Variants in PPP1R9A observed in about 807,000 individuals in gnomAD.
PPP1R9A encodes protein phosphatase 1 regulatory subunit 9A, also known as neurabin-1.
Under a neutral mutation model 141.9 loss-of-function variants are expected in PPP1R9A, and 59 were observed. That is an observed-to-expected ratio of 0.42 (90% CI 0.34 to 0.52). The LOEUF (loss-of-function observed/expected upper bound fraction) is 0.52, where lower values mean the gene tolerates loss of function less well. Ranked by LOEUF, PPP1R9A falls within the 20% of genes least tolerant of loss-of-function variation. The pLI, the probability that PPP1R9A is intolerant of heterozygous loss-of-function variation, is 0.10. For synonymous variants in PPP1R9A, 500 were observed against 569.7 expected, an observed-to-expected ratio of 0.88 and a Z score of 1.74; for missense variants, 1,444 against 1,611.9, an observed-to-expected ratio of 0.90 and a Z score of 1.78.
intron 4 of PPP1R9A, among the ~76,000 whole-genome samples, chr7:95,130,506 C>T (rs1325587939): frequency 6.6e-6 from 1 of 152,082 alleles, no homozygotes; most frequent in East Asian, 1.9e-4. Context: ...GGGTCAGAGC[C>T]CCCACACAGA....
At chr7:94,971,576 C>T (rs1222429697) in intron 2 of PPP1R9A, among the ~76,000 whole-genome samples, 1 of 152,116 alleles carries the variant, frequency 6.6e-6, no homozygotes, top group East Asian at 1.9e-4. Flanking sequence ...GTTTTCTATT[C>T]TTTTTGTTGC....
chr7:95,023,713 G>A (rs1381801046), intron 2 of PPP1R9A, among the ~76,000 whole-genome samples: 2 of 151,972 alleles, frequency 1.3e-5, no homozygotes, highest in African/African-American at 4.8e-5. Flanking sequence ...CACCACACCT[G>A]GCTAATTCTT....
At chr7:95,046,448 G>C (rs969129399) in intron 2 of PPP1R9A, among the ~76,000 whole-genome samples, 1 of 152,172 alleles carries the variant, frequency 6.6e-6, no homozygotes, top group Admixed American at 6.6e-5. Context: ...TCTAAAAGCA[G>C]ATAACCCGAT....
chr7:95,232,554 G>A (rs905252709), intron 8 of PPP1R9A, among the ~76,000 whole-genome samples: 10 of 152,134 alleles, frequency 6.6e-5, no homozygotes, highest in Admixed American at 6.6e-5. Flanking sequence ...CTTCTGCATA[G>A]CAAAAGAAAC....
At chr7:95,097,793 T>C (rs67607554) in intron 2 of PPP1R9A, among the ~76,000 whole-genome samples, 50,095 of 152,130 alleles carry the variant, frequency 0.33, 9,669 homozygotes, top group Non-Finnish European at 0.44. Flanking sequence ...GTACCTTTTC[T>C]ATGAGGAAGA....
At chr7:95,169,250 C>G (rs1183975294) in intron 5 of PPP1R9A, among the ~76,000 whole-genome samples, 1 of 151,796 alleles carries the variant, frequency 6.6e-6, no homozygotes, top group South Asian at 2.1e-4. Flanking sequence ...TGGATGGGAA[C>G]TGGAGGTCAT....
intron 2 of PPP1R9A, among the ~76,000 whole-genome samples, chr7:94,972,222 T>C (rs1486215437): frequency 3.3e-5 from 5 of 152,228 alleles, no homozygotes; most frequent in African/African-American, 1.2e-4. Flanking sequence ...TGTGTATATA[T>C]GGTCTTGTTA....
At chr7:95,010,743 A>T (rs920178228) in intron 2 of PPP1R9A, among the ~76,000 whole-genome samples, 3 of 152,060 alleles carry the variant, frequency 2.0e-5, no homozygotes, top group Non-Finnish European at 2.9e-5. Context: ...ATATAATTTT[A>T]AAAAATTCTA....
At chr7:94,949,424 T>C (rs1796222766) in intron 2 of PPP1R9A, among the ~76,000 whole-genome samples, 1 of 152,084 alleles carries the variant, frequency 6.6e-6, no homozygotes, top group East Asian at 1.9e-4. Context: ...ACATTGGAGG[T>C]ATGAAGCAGG....
chr7:95,006,590 A>G (rs2151573955), intron 2 of PPP1R9A, among the ~76,000 whole-genome samples: 1 of 152,320 alleles, frequency 6.6e-6, no homozygotes, highest in Non-Finnish European at 1.5e-5. Flanking sequence ...TCCTAAATAT[A>G]AAGTGCATGA....
chr7:94,957,989 T>C (rs1797243909), intron 2 of PPP1R9A, among the ~76,000 whole-genome samples: 1 of 152,128 alleles, frequency 6.6e-6, no homozygotes, highest in Non-Finnish European at 1.5e-5. Flanking sequence ...GGCTTAGTGG[T>C]AAGGTACTAG....
chr7:95,117,897 A>T (rs1821797359), intron 3 of PPP1R9A, among the ~76,000 whole-genome samples: 1 of 152,172 alleles, frequency 6.6e-6, no homozygotes, highest in African/African-American at 2.4e-5. Context: ...TTCTGCATGG[A>T]AGAGGCTACA....
At chr7:94,995,434 CAT>C (rs1014359181) in intron 2 of PPP1R9A, among the ~76,000 whole-genome samples, 35 of 152,036 alleles carry the variant, frequency 2.3e-4, no homozygotes, top group African/African-American at 6.0e-4. Flanking sequence ...TCAAATCACA[CAT>C]ATGTTAGGTT....
At chr7:95,265,685 A>G (rs891820213) in intron 12 of PPP1R9A, among the ~76,000 whole-genome samples, 1 of 152,178 alleles carries the variant, frequency 6.6e-6, no homozygotes, top group Admixed American at 6.6e-5. Context: ...TTTCAACTTC[A>G]TCCTATTTTT....
intron 5 of PPP1R9A, among the ~76,000 whole-genome samples, chr7:95,193,279 A>G (rs1411250745): frequency 1.3e-5 from 2 of 152,102 alleles, no homozygotes; most frequent in African/African-American, 4.8e-5. Flanking sequence ...GAAGAGATAT[A>G]TGTACTTTAA....
rs547978649 is a variant in PPP1R9A, at chr7:95,247,614, C to T, written c.2166+88C>T. ...CAATCCTAGGACTAAAGGTTTTGTC[C>T]CTGTATATTTGAAAGAATGCAAATG... On this transcript the variant is annotated intron_variant, in intron 9 of 19. Transcript: ENST00000433360. 2.2e-4 allele frequency: 252 copies of T among 1,138,634 alleles called. No individual in the cohort carries two copies. In the African/African-American group the frequency reaches 3.6e-3, roughly 16 times the overall value. 70.5% of individuals were successfully genotyped at this position (1,138,634 alleles called of 1,614,324 possible).
intron 2 of PPP1R9A, among the ~76,000 whole-genome samples, chr7:95,028,743 T>A (rs891585178): frequency 2.6e-5 from 4 of 152,192 alleles, no homozygotes; most frequent in African/African-American, 9.6e-5. Flanking sequence ...ATTTAATACA[T>A]ACAAACAAAT....
intron 14 of PPP1R9A, 147 bp from the exon 15 acceptor site, chr7:95,273,752 C>T (rs1222320932): frequency 6.5e-6 from 5 of 767,366 alleles, no homozygotes; most frequent in Non-Finnish European, 1.0e-5. Flanking sequence ...GTAACTGTGT[C>T]TCCTAGGTCG....
At chr7:94,977,285 C>T (rs1799561387) in intron 2 of PPP1R9A, among the ~76,000 whole-genome samples, 3 of 152,048 alleles carry the variant, frequency 2.0e-5, no homozygotes, top group African/African-American at 4.8e-5. Context: ...GAGTCACAAG[C>T]CCCAGAGCTC....
Sources: allele counts gnomAD v4.1 joint callset (sites outside exome capture counted in the v4.1 genomes callset), GRCh38; gene constraint gnomAD v4.1.1; transcripts MANE v1.5; gene names NCBI Gene and HGNC (gene_info 2026-07-23, HGNC 2026-07-21).